Variants in EXO1 observed in about 807,000 individuals in gnomAD.
EXO1 encodes exonuclease 1.
In EXO1, 69 loss-of-function variants were observed where a neutral mutation model predicts 84.5. The ratio of observed to expected loss-of-function variants is 0.82; its 90% confidence interval spans 0.67 to 1.00. EXO1 has a LOEUF of 1.00. Among genes scored for constraint, EXO1 ranks in the 50% least tolerant of loss-of-function variants. The pLI is 0.00. For synonymous variants in EXO1, 373 were observed against 366.1 expected (o/e 1.02, Z -0.21); for missense variants, 1,045 against 1,000.7 (o/e 1.04, Z -0.60).
At chr1:241,873,078 G>GTT (rs202053405) in intron 12 of EXO1, among the ~76,000 whole-genome samples, 34 of 146,718 alleles carry the variant, frequency 2.3e-4, no homozygotes, top group East Asian at 9.9e-4. Flanking sequence ...CTCATTGTGG[G>GTT]TTTTTTTTTT....
Position 241,853,360 on chromosome 1 carries a change from G to A in EXO1, c.284G>A (p.Arg95Lys), listed in dbSNP as rs1660771171. 6.2e-7 allele frequency: 1 copy of A among 1,613,904 alleles called. No homozygotes were observed. Among genetic ancestry groups the A allele is most frequent in the African/African-American group, 1.3e-5 (1 of 75,028 alleles). ...KKEVERSRRE[R>K]RQANLLKGKQ... ...TAAAAAATGTTCTTCCCTTGCAGAA[G>A]ACGACAAGCCAATCTTCTTAAGGGA... Residue 95 changes from arginine to lysine, a missense_variant and splice_region_variant, in exon 6 of 16, where the codon AGA (arginine) becomes AAA (lysine). Transcript: ENST00000366548.
intron 9 of EXO1, 37 bp downstream of exon 9, chr1:241,860,741 T>G: frequency 6.5e-7 from 1 of 1,535,180 alleles, no homozygotes; most frequent in Non-Finnish European, 9.0e-7. Flanking sequence ...AATTTGTGCA[T>G]TTTTCTTCAA....
Position 241,879,321 on chromosome 1 carries a change from C to A in EXO1, c.2087C>A (p.Ser696Tyr). ...AATGCATCAAAGCTTTCTCAGTGCTCTAGTAAGGACTCTGATTCAGAGGTA... is the reference window on the plus strand; with the variant it reads ...AATGCATCAAAGCTTTCTCAGTGCTATAGTAAGGACTCTGATTCAGAGGTA... Reference protein sequence around the residue: ...SSNASKLSQCSSKDSDSEESD... With the variant: ...SSNASKLSQCYSKDSDSEESD... Residue 696 changes from serine to tyrosine, a missense_variant, in exon 13 of 16, where the codon TCT (serine) becomes TAT (tyrosine). By Grantham distance (144) the Ser-to-Tyr change is moderately radical (BLOSUM62 -2). Transcript: ENST00000366548. 6 of 1,599,770 alleles carry A rather than the reference C, an allele frequency of 3.8e-6. No homozygotes were observed. The highest frequency in any genetic ancestry group is 5.1e-6 in the Non-Finnish European group (6 of 1,170,532).
intron 12 of EXO1, among the ~76,000 whole-genome samples, chr1:241,873,591 AAT>A (rs1662236967): frequency 6.6e-6 from 1 of 152,096 alleles, no homozygotes; most frequent in Non-Finnish European, 1.5e-5. Context: ...GTGGAGCTGT[AAT>A]ATTAATTGAG....
At chr1:241,855,769 G>A (rs1050414412) in intron 6 of EXO1, among the ~76,000 whole-genome samples, 90 of 152,360 alleles carry the variant, frequency 5.9e-4, no homozygotes, top group Non-Finnish European at 1.1e-3. Context: ...GCGCAGCGCC[G>A]GTGGGCCGGC....
intron 12 of EXO1, among the ~76,000 whole-genome samples, chr1:241,873,039 T>C (rs1297999986): frequency 6.6e-6 from 1 of 152,064 alleles, no homozygotes; most frequent in Non-Finnish European, 1.5e-5. Context: ...TTTTTAATGA[T>C]TGCCATTCTA....
At chr1:241,888,621 C>T (rs1663194672) in intron 15 of EXO1, among the ~76,000 whole-genome samples, 1 of 152,168 alleles carries the variant, frequency 6.6e-6, no homozygotes, top group Admixed American at 6.5e-5. Context: ...AAGGGTGCAA[C>T]AGTATTCTTA....
In EXO1 at chr1:241,853,460, CATGGCCCACAAAGTAATTAAAGT is replaced by C. The variant is rs1160001503; in HGVS notation, c.386_405+3del. ...CCCGGTCTATCAATATCACACATGC[CATGGCCCACAAAGTAATTAAAGT>C]AAGACAAAGGGGCAGATGGGCAAGT... On this transcript the variant is annotated splice_donor_variant and coding_sequence_variant, in exon 6 of 16. Coordinates refer to ENST00000366548, the MANE Select transcript of EXO1 (RefSeq NM_130398.4). LOFTEE classifies it high-confidence loss of function. 6 of 1,613,880 alleles carry C rather than the reference CATGGCCCACAAAGTAATTAAAGT, an allele frequency of 3.7e-6. No homozygotes were observed. The highest frequency in any genetic ancestry group is 5.1e-6 in the Non-Finnish European group (6 of 1,180,000).
At chr1:241,858,209 T>C (rs1409447227) in intron 7 of EXO1, among the ~76,000 whole-genome samples, 1 of 152,264 alleles carries the variant, frequency 6.6e-6, no homozygotes. Context: ...TATGCATTAC[T>C]GTTTGATTAT....
Position 241,852,309 on chromosome 1 carries a change from T to C in EXO1, c.179T>C (p.Met60Thr), listed in dbSNP as rs1660717089. 1 of 1,602,790 alleles carries C rather than the reference T, an allele frequency of 6.2e-7. No homozygotes were observed. Among genetic ancestry groups the C allele is most frequent in the Non-Finnish European group, 8.5e-7 (1 of 1,170,602 alleles). ...TTCCATAGGTATGTAGGATTTTGTA[T>C]GAAATTTGTAAATATGTTACTATCT... ...EPTDRYVGFC[M>T]KFVNMLLSHG... The change falls in exon 5 of 16, where the codon ATG becomes ACG. Residue 60 changes from methionine (M) to threonine (T), a missense_variant. Physicochemically the swap from Met to Thr is moderately conservative, Grantham distance 81 (BLOSUM62 -1). Coordinates refer to ENST00000366548, the MANE Select transcript of EXO1 (RefSeq NM_130398.4).
At position 241,861,404 on chromosome 1, in the gene EXO1, A is replaced by G. The variant is rs372233535; in HGVS notation, c.945-2A>G. ...CATTTTTCCTTAATCTTGCTAATCT[A>G]GATATGTTGATGATTCCATAGCTCT... On this transcript the variant is annotated splice_acceptor_variant, in intron 9 of 15. Coordinates refer to ENST00000366548, the MANE Select transcript of EXO1 (RefSeq NM_130398.4). LOFTEE classifies it high-confidence loss of function. 10 of 1,381,962 alleles carry G rather than the reference A, an allele frequency of 7.2e-6. No individual in the cohort carries two copies. The African/African-American group carries it at 1.1e-4, about 16-fold the overall frequency. The allele number at this position is 1,381,962 out of a possible 1,614,324, so 85.6% of individuals were successfully genotyped here.
chr1:241,867,323 C>CAA (rs1175151318), intron 11 of EXO1, among the ~76,000 whole-genome samples: 1 of 152,054 alleles, frequency 6.6e-6, no homozygotes, highest in African/African-American at 2.4e-5. Context: ...TGGTAGCAAA[C>CAA]GAGAAGAATG....
At chr1:241,870,211 T>C (rs1213785379) in intron 11 of EXO1, among the ~76,000 whole-genome samples, 1 of 152,224 alleles carries the variant, frequency 6.6e-6, no homozygotes, top group Non-Finnish European at 1.5e-5. Context: ...TATGTCAGAC[T>C]AAGTCTACTT....
chr1:241,852,949 G>T (rs1660751119), intron 5 of EXO1, among the ~76,000 whole-genome samples: 1 of 152,110 alleles, frequency 6.6e-6, no homozygotes, highest in Admixed American at 6.5e-5. Context: ...GAGCCACTGT[G>T]CCTGGCCTAA....
chr1:241,885,005 A>C (rs2148536829), intron 14 of EXO1, among the ~76,000 whole-genome samples: 1 of 152,154 alleles, frequency 6.6e-6, no homozygotes, highest in Middle Eastern at 3.4e-3. Context: ...CAGGAGATCG[A>C]GACCATCCTG....
chr1:241,889,678 T>G lies in EXO1; in HGVS notation c.*78T>G. On this transcript the variant is annotated 3_prime_UTR_variant, in exon 16 of 16. Coordinates refer to ENST00000366548, the MANE Select transcript of EXO1 (RefSeq NM_130398.4). Reference sequence around the variant, plus strand: ...TCCCTGTTTGGGAATGAGGCACTTATCAGCATGAAGAATTTTTTCTCATTC... The same window carrying G: ...TCCCTGTTTGGGAATGAGGCACTTAGCAGCATGAAGAATTTTTTCTCATTC... The G allele has an allele frequency of 7.2e-7, 1 of 1,393,784 alleles. No individual in the cohort carries two copies. The highest frequency in any genetic ancestry group is 1.0e-6 in the Non-Finnish European group (1 of 980,988). 86.3% of individuals were successfully genotyped at this position (1,393,784 alleles called of 1,614,324 possible).
At chr1:241,886,152 A>G (rs1574192214) in intron 15 of EXO1, among the ~76,000 whole-genome samples, 2 of 152,348 alleles carry the variant, frequency 1.3e-5, no homozygotes, top group African/African-American at 4.8e-5. Flanking sequence ...ACGCCCAGAC[A>G]AGAATAAAAT....
intron 11 of EXO1, among the ~76,000 whole-genome samples, 199 bp downstream of exon 11, chr1:241,867,254 G>A (rs1281443137): frequency 6.6e-6 from 1 of 152,234 alleles, no homozygotes; most frequent in East Asian, 1.9e-4. Context: ...TGGACGCACA[G>A]TTCCATGTAG....
At chr1:241,887,184 T>TA (rs1445445110) in intron 15 of EXO1, among the ~76,000 whole-genome samples, 4 of 152,200 alleles carry the variant, frequency 2.6e-5, no homozygotes, top group African/African-American at 9.7e-5. Context: ...TTCTGTTGCC[T>TA]AGGCTGGAAT....
Sources: gnomAD v4.1 joint callset for allele counts (sites outside exome capture counted in the v4.1 genomes callset) on GRCh38, gnomAD v4.1.1 for gene constraint, MANE v1.5 for transcripts, NCBI Gene and HGNC (gene_info 2026-07-23, HGNC 2026-07-21) for gene names.